Variants in PTPRU observed in about 807,000 individuals in gnomAD.
PTPRU encodes the protein protein tyrosine phosphatase receptor type U.
PTPRU carries 69 observed loss-of-function variants against 166.3 expected under a neutral mutation model. The ratio of observed to expected loss-of-function variants is 0.41; its 90% CI spans 0.34 to 0.51. The LOEUF (loss-of-function observed/expected upper bound fraction) is 0.51, where lower values mean the gene tolerates loss of function less well. Ranked by LOEUF, PTPRU falls within the 20% of genes least tolerant of loss-of-function variation. The probability of loss-of-function intolerance (pLI) is 0.09; values close to 1 mark genes in which losing one functional copy is unlikely to be tolerated. For missense variants in PTPRU, 1,657 were observed against 2,013.7 expected (o/e 0.82, Z 3.39); for synonymous variants, 793 against 814.0 (o/e 0.97, Z 0.44).
intron 14 of PTPRU, among the ~76,000 whole-genome samples, chr1:29,289,082 G>T (rs1686496429): frequency 6.6e-6 from 1 of 151,730 alleles, no homozygotes; most frequent in African/African-American, 2.4e-5. Context: ...CCCCACCCAG[G>T]TGGAGGTGCA....
At chr1:29,239,783 C>A (rs193193305) in intron 1 of PTPRU, among the ~76,000 whole-genome samples, 100 of 152,184 alleles carry the variant, frequency 6.6e-4, no homozygotes, top group African/African-American at 2.1e-3. Context: ...TCCTTCTGTC[C>A]GTCCTCAGCT....
intron 15 of PTPRU, among the ~76,000 whole-genome samples, chr1:29,299,864 C>T (rs1449378917): frequency 6.6e-6 from 1 of 152,128 alleles, no homozygotes; most frequent in Non-Finnish European, 1.5e-5. Flanking sequence ...GCGTTACGGA[C>T]ACTCCTTGGA....
rs1685002125 is a variant in PTPRU, at chr1:29,260,405, G to A, written c.851-205G>A. ...AGAGGGGTTGTGGGCTGATGGGCGA[G>A]GGCGGGGTCAGCCTTTGGAGCCAGG... On this transcript the variant is annotated intron_variant, in intron 6 of 29. Transcript: ENST00000373779. This position sits in a 1 kb window ranked among gnomAD's most constrained non-coding sequence, Gnocchi z 8.3. 6.0e-6 allele frequency: 3 copies of A among 499,288 alleles called. No homozygotes were observed. The highest frequency in any genetic ancestry group is 3.4e-6 in the Non-Finnish European group (1 of 291,908). 30.9% of individuals were successfully genotyped at this position (499,288 alleles called of 1,614,324 possible). A position where few individuals can be genotyped will look rare whatever the true frequency, so the allele number is the denominator to read the frequency against.
At chr1:29,256,928 C>T (rs1412931498) in intron 2 of PTPRU, among the ~76,000 whole-genome samples, 1 of 152,120 alleles carries the variant, frequency 6.6e-6, no homozygotes, top group Non-Finnish European at 1.5e-5. Context: ...GAGCCTTGTG[C>T]TAGGTCTTGA....
chr1:29,287,104 A>G (rs949120207), intron 14 of PTPRU, among the ~76,000 whole-genome samples: 1 of 152,082 alleles, frequency 6.6e-6, no homozygotes, highest in Non-Finnish European at 1.5e-5. Flanking sequence ...GAGGGCAGTT[A>G]CCACGCCCCC....
At chr1:29,305,203 G>T in intron 17 of PTPRU, 149 bp from the exon 18 acceptor site, 1 of 722,842 alleles carries the variant, frequency 1.4e-6, no homozygotes, top group Non-Finnish European at 2.3e-6. Context: ...GCCTCCCATG[G>T]TGCCCAGAGA....
chr1:29,243,148 C>G (rs10915244), intron 1 of PTPRU, among the ~76,000 whole-genome samples: 27,478 of 152,172 alleles, frequency 0.18, 3,004 homozygotes, highest in Non-Finnish European at 0.26. Flanking sequence ...CTGCCTGACT[C>G]GGCCTCCCAA....
chr1:29,321,260 C>T (rs1012472066), intron 26 of PTPRU, among the ~76,000 whole-genome samples: 6 of 146,602 alleles, frequency 4.1e-5, no homozygotes, highest in Non-Finnish European at 5.9e-5. Context: ...GGACTGGTCT[C>T]GAACACCTGG....
chr1:29,292,129 A>C, intron 15 of PTPRU, 103 bp downstream of exon 15: 5 of 1,385,012 alleles, frequency 3.6e-6, no homozygotes, highest in Non-Finnish European at 3.9e-6. Flanking sequence ...CTGCAACCAA[A>C]AGTGAAGCAT....
chr1:29,275,612 G>C lies in PTPRU; in HGVS notation c.1309G>C (p.Glu437Gln). ...LGSSHNQTIR[E>Q]CVKTEQGVSR... Reference sequence around the variant, plus strand: ...CAGCAGCCACAACCAGACCATCCGAGAGTGTGTGAAGACAGAGCAAGGTGT... The same window carrying C: ...CAGCAGCCACAACCAGACCATCCGACAGTGTGTGAAGACAGAGCAAGGTGT... Residue 437 changes from glutamate to glutamine, a missense_variant, in exon 8 of 30, where the codon GAG (glutamate) becomes CAG (glutamine). Coordinates refer to ENST00000373779, the MANE Select transcript of PTPRU (RefSeq NM_133178.4). The C allele has an allele frequency of 2.5e-6, 4 of 1,614,212 alleles. No individual in the cohort carries two copies. Among genetic ancestry groups the C allele is most frequent in the Non-Finnish European group, 3.4e-6 (4 of 1,180,048 alleles).
At chr1:29,295,549 A>G (rs1209601276) in intron 15 of PTPRU, among the ~76,000 whole-genome samples, 3 of 152,082 alleles carry the variant, frequency 2.0e-5, no homozygotes, top group African/African-American at 7.2e-5. Context: ...AATCTTGTAC[A>G]TCTTTTTTTA....
intron 26 of PTPRU, among the ~76,000 whole-genome samples, chr1:29,321,550 T>C (rs939048822): frequency 2.0e-5 from 3 of 152,230 alleles, no homozygotes; most frequent in Non-Finnish European, 4.4e-5. Context: ...TTCTGCTCTT[T>C]TAGTCACTCC....
At chr1:29,269,532 C>A (rs1685470716) in intron 7 of PTPRU, among the ~76,000 whole-genome samples, 1 of 151,872 alleles carries the variant, frequency 6.6e-6, no homozygotes. Context: ...GCCTGGCAGA[C>A]AGGGTGCAAA....
intron 7 of PTPRU, among the ~76,000 whole-genome samples, chr1:29,269,244 A>ATTTT (rs1400657012): frequency 1.2e-3 from 34 of 27,622 alleles, no homozygotes; most frequent in Admixed American, 3.3e-3. Flanking sequence ...ATATATATAT[A>ATTTT]TATTTTTTTT....
chr1:29,302,739 C>T (rs974077698), intron 15 of PTPRU, among the ~76,000 whole-genome samples: 3 of 151,982 alleles, frequency 2.0e-5, no homozygotes, highest in South Asian at 2.1e-4. Context: ...TTAGTAGAGA[C>T]GGGGTTTCAC....
rs1398660709 is a variant in PTPRU at position 29,238,864 on chromosome 1, G to A, written c.73+2147G>A. Among the ~76,000 whole-genome samples the A allele has an allele frequency of 2.6e-5, 4 of 152,226 alleles. No homozygotes were observed. Among genetic ancestry groups the A allele is most frequent in the Non-Finnish European group, 5.9e-5 (4 of 68,044 alleles). On this transcript the variant is annotated intron_variant, in intron 1 of 29. Coordinates refer to ENST00000373779, the MANE Select transcript of PTPRU (RefSeq NM_133178.4). The surrounding 1 kb of genome is among the most constrained non-coding windows in gnomAD (Gnocchi z 6.1). ...GGAGGACTGTCAGGAACTGAAGTTTGGGAGTGAGGCCTAGAGCAGGTTACT... is the reference window on the plus strand; with the variant it reads ...GGAGGACTGTCAGGAACTGAAGTTTAGGAGTGAGGCCTAGAGCAGGTTACT...
intron 18 of PTPRU, among the ~76,000 whole-genome samples, chr1:29,308,947 T>G (rs1022468619): frequency 6.6e-6 from 1 of 152,148 alleles, no homozygotes; most frequent in African/African-American, 2.4e-5. Flanking sequence ...GAGGATTGCT[T>G]GAGCACTGGA....
At chr1:29,288,477 T>C (rs989289850) in intron 14 of PTPRU, among the ~76,000 whole-genome samples, 6 of 152,190 alleles carry the variant, frequency 3.9e-5, no homozygotes, top group African/African-American at 1.4e-4. Context: ...ATGTGTCAAC[T>C]GAGGCCAGAA....
intron 7 of PTPRU, among the ~76,000 whole-genome samples, chr1:29,266,099 C>T (rs796542928): frequency 1.4e-5 from 2 of 141,536 alleles, no homozygotes; most frequent in African/African-American, 5.1e-5. Flanking sequence ...CAGCTTACCA[C>T]AATCTCTGCC....
Sources: gnomAD v4.1 joint callset for allele counts (sites outside exome capture counted in the v4.1 genomes callset) on GRCh38, gnomAD v4.1.1 for gene constraint, Gnocchi (gnomAD v3.1) non-coding constraint, MANE v1.5 for transcripts, NCBI Gene and HGNC (gene_info 2026-07-23, HGNC 2026-07-21) for gene names.